SLFN12L: variants seen among roughly 807,000 people sequenced by gnomAD.
SLFN12L encodes the protein schlafen family member 12-like.
SLFN12L carries 34 observed loss-of-function variants against 34.8 expected under a neutral mutation model. The observed-to-expected ratio is 0.98, with a 90% CI of 0.74 to 1.30. The LOEUF (loss-of-function observed/expected upper bound fraction) is 1.30. SLFN12L is among the 50% of genes most tolerant of loss of function. The probability of loss-of-function intolerance (pLI) is 0.00; values close to 1 mark genes in which losing one functional copy is unlikely to be tolerated. For synonymous variants in SLFN12L, 259 were observed against 247.5 expected (o/e 1.05, Z -0.44); for missense variants, 703 against 696.2 (o/e 1.01, Z -0.11).
At chr17:35,487,997 A>G in intron 2 of SLFN12L, 1 of 660,110 alleles carries the variant, frequency 1.5e-6, no homozygotes, top group Non-Finnish European at 2.8e-6. Context: ...TCACCAGCTT[A>G]GGAGATAGAG....
Position 35,500,823 on chromosome 17 carries a change from C to T in SLFN12L, c.87-20628G>A, listed in dbSNP as rs78454356. On this transcript the variant is annotated intron_variant, in intron 2 of 4. Transcript: ENST00000628453. ...ACAAGCACTGTGAAAATCCCCTGTGCTGTTGTGCTCCATTCTGATTACCGG... is the reference window on the plus strand; with the variant it reads ...ACAAGCACTGTGAAAATCCCCTGTGTTGTTGTGCTCCATTCTGATTACCGG... 0.012 allele frequency among the ~76,000 whole-genome samples: 1,778 copies of T among 152,220 alleles called. 104 individuals are homozygous for T. The East Asian group carries it at 0.18, about 15-fold the overall frequency.
chr17:35,515,628 C>T (rs968819818), intron 2 of SLFN12L, among the ~76,000 whole-genome samples: 5 of 125,744 alleles, frequency 4.0e-5, no homozygotes, highest in African/African-American at 5.9e-5. Flanking sequence ...CCACCACGCC[C>T]GGCAATTTTT....
chr17:35,487,550 T>C lies in SLFN12L; in HGVS notation c.87-7355A>G, dbSNP rs534699643. ...GCGGGACGAATTTATCTGCCAGCAA[T>C]TCCCTGGAAACAGGATTCCTTGCAG... On this transcript the variant is annotated intron_variant, in intron 2 of 4. Transcript: ENST00000628453. 4.2e-4 allele frequency among the ~76,000 whole-genome samples: 63 copies of C among 151,704 alleles called. No individual in the cohort carries two copies. The South Asian group carries it at 0.012, about 28-fold the overall frequency.
intron 1 of SLFN12L, among the ~76,000 whole-genome samples, chr17:35,527,894 G>T (rs539435338): frequency 6.6e-6 from 1 of 152,128 alleles, no homozygotes; most frequent in African/African-American, 2.4e-5. Context: ...ATTCAAGTAG[G>T]AAAAGAGGAA....
At chr17:35,492,095 C>A (rs1914860252) in intron 2 of SLFN12L, among the ~76,000 whole-genome samples, 1 of 152,184 alleles carries the variant, frequency 6.6e-6, no homozygotes, top group South Asian at 2.1e-4. Flanking sequence ...GCACCCATCA[C>A]CATTTCAATT....
At chr17:35,493,041 A>G (rs1914902411) in intron 2 of SLFN12L, among the ~76,000 whole-genome samples, 1 of 152,106 alleles carries the variant, frequency 6.6e-6, no homozygotes, top group Non-Finnish European at 1.5e-5. Flanking sequence ...CACAATATGC[A>G]AAGTGGTGGT....
At chr17:35,486,932 GTC>G (rs1029460398) in intron 2 of SLFN12L, among the ~76,000 whole-genome samples, 9 of 152,220 alleles carry the variant, frequency 5.9e-5, no homozygotes, top group Non-Finnish European at 1.2e-4. Context: ...GTGATTTGCC[GTC>G]TTCGGATACC....
chr17:35,480,214 AGAATAG>A lies in SLFN12L; in HGVS notation c.87-25_87-20del. 1 of 1,526,912 alleles carries A rather than the reference AGAATAG, an allele frequency of 6.5e-7. No individual in the cohort carries two copies. The highest frequency in any genetic ancestry group is 1.4e-5 in the African/African-American group (1 of 71,768). 94.6% of individuals were successfully genotyped at this position (1,526,912 alleles called of 1,614,324 possible). On this transcript the variant is annotated intron_variant, in intron 2 of 4. Transcript: ENST00000628453. Reference sequence around the variant, plus strand: ...TTCTTTTCTGTAAAATAGAGCCGTTAGAATAGGAGTTAAGCCTGAGAGACAGCAAAT... The same window carrying A: ...TTCTTTTCTGTAAAATAGAGCCGTTAGAGTTAAGCCTGAGAGACAGCAAAT...
Position 35,478,059 on chromosome 17 carries a change from G to T in SLFN12L, c.1276+16C>A. On this transcript the variant is annotated intron_variant, in intron 4 of 4. Coordinates refer to ENST00000628453, the MANE Select transcript of SLFN12L (RefSeq NM_001363830.2). ...CAGTTACACCAACAACTCCACGGAA[G>T]CCAGAATTAAATTACCTGGAAGGTG... 1 of 1,482,282 alleles carries T rather than the reference G, an allele frequency of 6.7e-7. No individual in the cohort carries two copies. 91.8% of individuals were successfully genotyped at this position (1,482,282 alleles called of 1,614,324 possible).
intron 2 of SLFN12L, among the ~76,000 whole-genome samples, chr17:35,488,242 G>C (rs1022687518): frequency 2.0e-5 from 3 of 152,164 alleles, no homozygotes; most frequent in African/African-American, 7.2e-5. Flanking sequence ...AACCCCTAAA[G>C]GGGTGACATT....
intron 2 of SLFN12L, among the ~76,000 whole-genome samples, chr17:35,502,097 T>C (rs1191902505): frequency 6.6e-6 from 1 of 151,266 alleles, no homozygotes; most frequent in African/African-American, 2.4e-5. Flanking sequence ...GACAGAGAAA[T>C]ATACAAGTAG....
chr17:35,524,117 T>C (rs1029988242), intron 1 of SLFN12L, among the ~76,000 whole-genome samples: 6 of 152,234 alleles, frequency 3.9e-5, no homozygotes, highest in Non-Finnish European at 7.3e-5. Flanking sequence ...TGCTTTCTCA[T>C]TCATACCAGG....
chr17:35,507,946 A>G (rs1398646562), intron 2 of SLFN12L, among the ~76,000 whole-genome samples: 1 of 152,202 alleles, frequency 6.6e-6, no homozygotes, highest in Non-Finnish European at 1.5e-5. Context: ...CTTATGCCCA[A>G]TTTCTGCCTC....
At chr17:35,512,596 G>A (rs1214938406) in intron 2 of SLFN12L, among the ~76,000 whole-genome samples, 1 of 152,124 alleles carries the variant, frequency 6.6e-6, no homozygotes, top group Non-Finnish European at 1.5e-5. Flanking sequence ...TGGATCTCCT[G>A]ACCTTGTGAT....
chr17:35,517,950 G>A lies in SLFN12L; in HGVS notation c.86+4329C>T, dbSNP rs528522443. Reference sequence around the variant, plus strand: ...ACTCAAAACCATAAAAACGCTAAAAGAAAACCTAGGCAATACCATTCAGGA... The same window carrying A: ...ACTCAAAACCATAAAAACGCTAAAAAAAAACCTAGGCAATACCATTCAGGA... On this transcript the variant is annotated intron_variant, in intron 2 of 4. Transcript: ENST00000628453. 2.0e-5 allele frequency among the ~76,000 whole-genome samples: 3 copies of A among 152,258 alleles called. No homozygotes were observed. The South Asian group carries it at 6.2e-4, about 32-fold the overall frequency.
Position 35,470,221 on chromosome 17 carries a change from ATTG to A in SLFN12L, c.*4699_*4701del. On this transcript the variant is annotated 3_prime_UTR_variant, in exon 5 of 5. Transcript: ENST00000628453. ...TGTAGATCTGGCCCATCTTGAGGCT[ATTG>A]TTCCTGCGTTCATCCTCCCATGGTC... The A allele has an allele frequency of 6.6e-6, 1 of 152,660 alleles. No individual in the cohort carries two copies. The highest frequency in any genetic ancestry group is 3.3e-3 in the Middle Eastern group (1 of 300). 9.5% of individuals were successfully genotyped at this position (152,660 alleles called of 1,614,324 possible). A position where few individuals can be genotyped will look rare whatever the true frequency, so the allele number is the denominator to read the frequency against.
chr17:35,494,790 C>G (rs371568635), intron 2 of SLFN12L, among the ~76,000 whole-genome samples: 1 of 152,046 alleles, frequency 6.6e-6, no homozygotes, highest in East Asian at 1.9e-4. Flanking sequence ...AGGAGAGTGA[C>G]GCAGGGCCAG....
In SLFN12L at chr17:35,477,858, C is replaced by G. The variant is rs1276351407; in HGVS notation, c.1276+217G>C. 9 of 338,536 alleles carry G rather than the reference C, an allele frequency of 2.7e-5. No homozygotes were observed. In the East Asian group the frequency reaches 5.3e-4, roughly 20 times the overall value. The allele number at this position is 338,536 out of a possible 1,614,324, so 21.0% of individuals were successfully genotyped here. On this transcript the variant is annotated intron_variant, in intron 4 of 4. Coordinates refer to ENST00000628453, the MANE Select transcript of SLFN12L (RefSeq NM_001363830.2). ...GAAATAATTTGACATTATCTTATTA[C>G]TTAAATATTCACACACTGCCTGAAC...
intron 2 of SLFN12L, chr17:35,490,268 T>A: frequency 6.6e-7 from 1 of 1,518,582 alleles, no homozygotes; most frequent in Non-Finnish European, 9.1e-7. Flanking sequence ...CTCGGATGGT[T>A]CAAAAACCCC....
Sources: gnomAD v4.1 joint callset for allele counts (sites outside exome capture counted in the v4.1 genomes callset) on GRCh38, gnomAD v4.1.1 for gene constraint, MANE v1.5 for transcripts, NCBI Gene and HGNC (gene_info 2026-07-23, HGNC 2026-07-21) for gene names.